The following PELI2 variants were observed in gnomAD, a reference collection of about 807,000 sequenced individuals.
PELI2 encodes E3 ubiquitin-protein ligase pellino homolog 2.
Under a neutral mutation model 42.3 loss-of-function variants are expected in PELI2, and 23 were observed. The ratio of observed to expected loss-of-function variants is 0.54; its 90% CI spans 0.39 to 0.77. The LOEUF (loss-of-function observed/expected upper bound fraction) is 0.77. PELI2 is among the 30% of genes least tolerant of loss of function. The pLI is 0.00. For synonymous variants in PELI2, 245 were observed against 212.2 expected (o/e 1.15, Z -1.34); for missense variants, 463 against 553.2 (o/e 0.84, Z 1.64).
intron 3 of PELI2, among the ~76,000 whole-genome samples, chr14:56,287,264 C>T (rs186405843): frequency 3.3e-5 from 5 of 152,164 alleles, no homozygotes; most frequent in Non-Finnish European, 7.3e-5. Flanking sequence ...GACAGGTTTA[C>T]GCCTAAGTTT....
intron 2 of PELI2, among the ~76,000 whole-genome samples, chr14:56,186,445 T>C (rs1566626377): frequency 6.6e-6 from 1 of 152,212 alleles, no homozygotes; most frequent in Non-Finnish European, 1.5e-5. Flanking sequence ...GGCAAACAGA[T>C]CTGTGACATA....
chr14:56,270,214 T>G (rs1163690652), intron 2 of PELI2, among the ~76,000 whole-genome samples: 3 of 152,204 alleles, frequency 2.0e-5, no homozygotes, highest in African/African-American at 7.2e-5. Flanking sequence ...TGATTTTGAT[T>G]TACTAGAAAA....
intron 2 of PELI2, among the ~76,000 whole-genome samples, chr14:56,236,396 G>A (rs115155136): frequency 3.0e-4 from 46 of 152,246 alleles, no homozygotes; most frequent in African/African-American, 1.1e-3. Flanking sequence ...GTGATCTTAG[G>A]ATGCTTCTGA....
chr14:56,154,577 C>G (rs923634697), intron 1 of PELI2, among the ~76,000 whole-genome samples: 1 of 152,224 alleles, frequency 6.6e-6, no homozygotes, highest in African/African-American at 2.4e-5. Context: ...CCTAGCCATG[C>G]GGAACTGAGT....
At chr14:56,279,845 A>G in intron 3 of PELI2, 68 bp downstream of exon 3, 4 of 758,102 alleles carry the variant, frequency 5.3e-6, no homozygotes, top group Non-Finnish European at 9.0e-6. Context: ...TTTATATGTA[A>G]TCAGATCTTC....
intron 1 of PELI2, among the ~76,000 whole-genome samples, chr14:56,125,212 C>T (rs935413108): frequency 6.6e-6 from 1 of 152,142 alleles, no homozygotes; most frequent in Non-Finnish European, 1.5e-5. Context: ...TTCAGTGACT[C>T]AAGATACTGA....
At chr14:56,191,563 TG>T (rs1885949251) in intron 2 of PELI2, among the ~76,000 whole-genome samples, 1 of 152,156 alleles carries the variant, frequency 6.6e-6, no homozygotes, top group African/African-American at 2.4e-5. Context: ...CAGATCAGGT[TG>T]TCTGCAGCCA....
chr14:56,144,470 G>C (rs577039374), intron 1 of PELI2, among the ~76,000 whole-genome samples: 1 of 152,260 alleles, frequency 6.6e-6, no homozygotes, highest in East Asian at 1.9e-4. Context: ...GTCCCCACAG[G>C]CTATCTAGGA....
intron 2 of PELI2, among the ~76,000 whole-genome samples, chr14:56,233,089 T>C (rs2139775288): frequency 6.6e-6 from 1 of 152,172 alleles, no homozygotes; most frequent in South Asian, 2.1e-4. Flanking sequence ...AAACCTCTGC[T>C]CAACGAAATA....
intron 3 of PELI2, 54 bp downstream of exon 3, chr14:56,279,831 AT>A: frequency 2.3e-6 from 2 of 862,868 alleles, no homozygotes; most frequent in Non-Finnish European, 3.8e-6. Context: ...TTAATTCTCT[AT>A]TTTTTATATG....
At chr14:56,212,988 G>A (rs538582715) in intron 2 of PELI2, among the ~76,000 whole-genome samples, 1 of 152,356 alleles carries the variant, frequency 6.6e-6, no homozygotes, top group East Asian at 1.9e-4. Context: ...TGCAGTTCGT[G>A]TGCCCTTTTC....
At chr14:56,118,761 C>G in intron 1 of PELI2, 24 bp downstream of exon 1, 2 of 1,439,854 alleles carry the variant, frequency 1.4e-6, no homozygotes, top group East Asian at 2.9e-5. Flanking sequence ...TCCCTGGTCC[C>G]GGGCAGCGGC....
At chr14:56,275,131 C>A (rs747780608) in intron 2 of PELI2, among the ~76,000 whole-genome samples, 19 of 152,070 alleles carry the variant, frequency 1.2e-4, no homozygotes, top group Non-Finnish European at 1.5e-4. Context: ...ACTGTTGATG[C>A]TGGGGTGGAA....
intron 2 of PELI2, among the ~76,000 whole-genome samples, chr14:56,259,073 G>T (rs1007238545): frequency 1.3e-5 from 2 of 152,116 alleles, no homozygotes; most frequent in African/African-American, 4.8e-5. Context: ...AAAGGGGACG[G>T]ACAGAAGTAG....
At chr14:56,243,126 C>A (rs1177894521) in intron 2 of PELI2, among the ~76,000 whole-genome samples, 4 of 151,898 alleles carry the variant, frequency 2.6e-5, no homozygotes, top group Non-Finnish European at 5.9e-5. Context: ...GATTTCTAAT[C>A]CATTGATTAG....
At chr14:56,249,846 A>G (rs1888282693) in intron 2 of PELI2, among the ~76,000 whole-genome samples, 1 of 152,186 alleles carries the variant, frequency 6.6e-6, no homozygotes, top group South Asian at 2.1e-4. Context: ...TGAATAAAGG[A>G]TCACACATGC....
intron 2 of PELI2, among the ~76,000 whole-genome samples, chr14:56,231,082 A>G (rs1887547573): frequency 6.6e-6 from 1 of 152,238 alleles, no homozygotes; most frequent in African/African-American, 2.4e-5. Flanking sequence ...TGCACCCAAT[A>G]TAAGAGCACC....
intron 3 of PELI2, among the ~76,000 whole-genome samples, chr14:56,281,344 A>T (rs1889475097): frequency 6.6e-6 from 1 of 152,144 alleles, no homozygotes; most frequent in Non-Finnish European, 1.5e-5. Context: ...TTACATGATT[A>T]TTAAATGGGA....
At chr14:56,166,811 G>A (rs372127167) in intron 1 of PELI2, among the ~76,000 whole-genome samples, 12 of 151,540 alleles carry the variant, frequency 7.9e-5, no homozygotes, top group Admixed American at 3.9e-4. Flanking sequence ...TTCTTGAGAC[G>A]GAGTCTCGCT....
Sources: gnomAD v4.1 joint callset for allele counts (sites outside exome capture counted in the v4.1 genomes callset) on GRCh38, gnomAD v4.1.1 for gene constraint, MANE v1.5 for transcripts, NCBI Gene and HGNC (gene_info 2026-07-23, HGNC 2026-07-21) for gene names.